The following NBEA variants were observed in gnomAD, a reference collection of about 807,000 sequenced individuals.
NBEA encodes lysosomal-trafficking regulator 2.
Under a neutral mutation model 343.4 loss-of-function variants are expected in NBEA, and 44 were observed. The observed-to-expected ratio is 0.13, with a 90% CI of 0.10 to 0.16. The LOEUF (loss-of-function observed/expected upper bound fraction) is 0.16. Among genes scored for constraint, NBEA ranks in the 10% least tolerant of loss-of-function variants. NBEA has a pLI of 1.00. For synonymous variants in NBEA, 1,175 were observed against 1,238.7 expected, an observed-to-expected ratio of 0.95 and a Z score of 1.08; for missense variants, 2,555 against 3,631.3, an observed-to-expected ratio of 0.70 and a Z score of 7.62.
At chr13:35,612,281 C>T (rs1468719413) in intron 48 of NBEA, among the ~76,000 whole-genome samples, 4 of 152,026 alleles carry the variant, frequency 2.6e-5, no homozygotes, top group East Asian at 1.9e-4. Context: ...TACAGGCGCT[C>T]GCCACCACGC....
At chr13:35,572,849 C>T (rs543799951) in intron 45 of NBEA, among the ~76,000 whole-genome samples, 2 of 152,152 alleles carry the variant, frequency 1.3e-5, no homozygotes, top group Admixed American at 1.3e-4. Flanking sequence ...GTTATTTTAT[C>T]TTTCTTTTTC....
intron 27 of NBEA, 48 bp downstream of exon 27, chr13:35,173,642 T>C (rs1436498866): frequency 6.4e-7 from 1 of 1,563,194 alleles, no homozygotes; most frequent in East Asian, 2.3e-5. Context: ...CTGAAAAAAA[T>C]CTTTTTTAAG....
intron 46 of NBEA, 61 bp downstream of exon 46, chr13:35,584,099 T>A: frequency 7.1e-7 from 1 of 1,406,620 alleles, no homozygotes; most frequent in Non-Finnish European, 1.0e-6. Flanking sequence ...ATAAGTAAAT[T>A]AAATAAAAAT....
intron 35 of NBEA, among the ~76,000 whole-genome samples, chr13:35,308,548 A>G (rs1342115163): frequency 0.015 from 1,643 of 110,322 alleles, 30 homozygotes; most frequent in East Asian, 0.048. Flanking sequence ...ATGTATATAT[A>G]TGTATATATG....
At chr13:35,616,094 C>T (rs1343638825) in intron 48 of NBEA, among the ~76,000 whole-genome samples, 1 of 152,098 alleles carries the variant, frequency 6.6e-6, no homozygotes, top group Non-Finnish European at 1.5e-5. Context: ...TGGAATACAC[C>T]TTTATTTGAA....
intron 38 of NBEA, among the ~76,000 whole-genome samples, chr13:35,418,994 T>G (rs568773531): frequency 2.3e-4 from 35 of 152,130 alleles, no homozygotes; most frequent in Admixed American, 1.6e-3. Context: ...ATTGTCTATG[T>G]TTCATATATA....
At chr13:35,039,924 A>G (rs1328825294) in intron 1 of NBEA, among the ~76,000 whole-genome samples, 2 of 152,216 alleles carry the variant, frequency 1.3e-5, no homozygotes, top group African/African-American at 4.8e-5. Flanking sequence ...TAATGTATGC[A>G]TACATACATA....
intron 27 of NBEA, among the ~76,000 whole-genome samples, chr13:35,176,083 G>A (rs573533158): frequency 6.6e-6 from 1 of 152,066 alleles, no homozygotes; most frequent in Non-Finnish European, 1.5e-5. Flanking sequence ...GTTCAGAGAG[G>A]TTAACTTCTC....
At position 35,505,248 on chromosome 13, in the gene NBEA, A is replaced by G. The variant is rs574595077; in HGVS notation, c.6585+32712A>G. Among the ~76,000 whole-genome samples the G allele has an allele frequency of 4.6e-5, 7 of 152,312 alleles. No homozygotes were observed. In the South Asian group the frequency reaches 1.4e-3, roughly 32 times the overall value. On this transcript the variant is annotated intron_variant, in intron 41 of 58. Transcript: ENST00000379939. ...GCTTTTTAAAAAAAATTAGTTGACA[A>G]TAGACATATAGAGTTTGAGTTTAGA...
chr13:34,945,114 A>T (rs2059149856), intron 1 of NBEA, among the ~76,000 whole-genome samples: 1 of 152,190 alleles, frequency 6.6e-6, no homozygotes, highest in Non-Finnish European at 1.5e-5. Context: ...ACTAGAAATA[A>T]AGTAATACTG....
At chr13:35,664,015 T>C (rs1047175569) in intron 55 of NBEA, among the ~76,000 whole-genome samples, 3 of 152,180 alleles carry the variant, frequency 2.0e-5, no homozygotes, top group Non-Finnish European at 4.4e-5. Flanking sequence ...GAAGGGGCTC[T>C]TGGCCGACCA....
chr13:35,313,984 A>G (rs2037541424), intron 36 of NBEA, among the ~76,000 whole-genome samples: 2 of 152,130 alleles, frequency 1.3e-5, no homozygotes, highest in Non-Finnish European at 2.9e-5. Flanking sequence ...TTTGATGGAA[A>G]AACGCAATAT....
intron 7 of NBEA, among the ~76,000 whole-genome samples, 179 bp from the exon 8 acceptor site, chr13:35,058,538 C>A (rs1003670112): frequency 3.9e-5 from 6 of 151,998 alleles, no homozygotes. Flanking sequence ...TGTAACTGAT[C>A]ATTTTTCCCA....
intron 45 of NBEA, among the ~76,000 whole-genome samples, chr13:35,581,905 GAAAAA>G (rs66496898): frequency 8.2e-6 from 1 of 121,386 alleles, no homozygotes; most frequent in Non-Finnish European, 1.7e-5. Context: ...AAAAAGAAAA[GAAAAA>G]AAAAGAAAAA....
chr13:35,589,519 G>A (rs528736085), intron 46 of NBEA, among the ~76,000 whole-genome samples: 98 of 152,050 alleles, frequency 6.4e-4, no homozygotes, highest in African/African-American at 1.9e-3. Context: ...ACCCATAAAC[G>A]AGATTTGTTT....
chr13:35,009,481 G>GGA, intron 1 of NBEA, among the ~76,000 whole-genome samples: 1 of 152,206 alleles, frequency 6.6e-6, no homozygotes, highest in East Asian at 1.9e-4. Context: ...GGAACAGAAA[G>GGA]TATAAAGACC....
chr13:35,116,666 A>C (rs551761144), intron 13 of NBEA, among the ~76,000 whole-genome samples: 1 of 152,304 alleles, frequency 6.6e-6, no homozygotes, highest in East Asian at 1.9e-4. Flanking sequence ...GTAAAGCAGT[A>C]GATAAATACT....
At chr13:35,014,121 C>T (rs561648975) in intron 1 of NBEA, among the ~76,000 whole-genome samples, 1 of 150,686 alleles carries the variant, frequency 6.6e-6, no homozygotes, top group Admixed American at 6.7e-5. Context: ...AAGTTACATT[C>T]CTTTCCTGTT....
chr13:35,425,244 G>A (rs2044576924), intron 38 of NBEA, among the ~76,000 whole-genome samples: 1 of 152,036 alleles, frequency 6.6e-6, no homozygotes, highest in Non-Finnish European at 1.5e-5. Flanking sequence ...ATGTTAGGGT[G>A]TCAATTTTAA....
Sources: allele counts gnomAD v4.1 joint callset (sites outside exome capture counted in the v4.1 genomes callset), GRCh38; gene constraint gnomAD v4.1.1; transcripts MANE v1.5; gene names NCBI Gene and HGNC (gene_info 2026-07-23, HGNC 2026-07-21).